Variants in DTD1 observed in about 807,000 individuals in gnomAD.
The protein encoded by DTD1 is D-tyrosyl-tRNA deacylase 1 homolog.
A neutral mutation model predicts 25.6 loss-of-function variants in DTD1; 13 were observed. The ratio of observed to expected loss-of-function variants is 0.51; its 90% CI spans 0.33 to 0.81. The LOEUF is 0.81. Among genes scored for constraint, DTD1 ranks in the 30% least tolerant of loss-of-function variants. The pLI is 0.02. For missense variants in DTD1, 193 were observed against 266.4 expected (o/e 0.72, Z 1.92); for synonymous variants, 110 against 103.6 (o/e 1.06, Z -0.37).
chr20:18,589,115 C>T (rs1471042217), intron 1 of DTD1, among the ~76,000 whole-genome samples: 1 of 152,146 alleles, frequency 6.6e-6, no homozygotes, highest in African/African-American at 2.4e-5. Context: ...CTTTGGGAGG[C>T]CAAGGCGGGC....
chr20:18,595,813 T>A (rs1377904899), intron 2 of DTD1, among the ~76,000 whole-genome samples, 193 bp from the exon 3 acceptor site: 1 of 152,162 alleles, frequency 6.6e-6, no homozygotes, highest in Non-Finnish European at 1.5e-5. Flanking sequence ...GAACTGTTAT[T>A]ATTCTGTATC....
intron 1 of DTD1, among the ~76,000 whole-genome samples, chr20:18,589,781 A>T (rs1366090787): frequency 6.6e-6 from 1 of 152,192 alleles, no homozygotes; most frequent in East Asian, 1.9e-4. Context: ...AGATGTGCTG[A>T]ATAAGAGTTT....
intron 4 of DTD1, among the ~76,000 whole-genome samples, chr20:18,689,332 G>A (rs377052288): frequency 5.3e-5 from 8 of 152,158 alleles, no homozygotes; most frequent in Admixed American, 3.3e-4. Context: ...GGTATATGGA[G>A]TTTGGTGATT....
At chr20:18,606,976 G>A (rs916546526) in intron 3 of DTD1, among the ~76,000 whole-genome samples, 1 of 151,838 alleles carries the variant, frequency 6.6e-6, no homozygotes, top group African/African-American at 2.4e-5. Flanking sequence ...TATCATGACT[G>A]GATATTAAAG....
chr20:18,711,147 G>A (rs576253243), intron 4 of DTD1, among the ~76,000 whole-genome samples: 1 of 152,306 alleles, frequency 6.6e-6, no homozygotes, highest in Admixed American at 6.5e-5. Flanking sequence ...TCTCAGCCCT[G>A]TGTGAGCGCA....
intron 4 of DTD1, among the ~76,000 whole-genome samples, chr20:18,677,241 T>G (rs1361087569): frequency 6.6e-6 from 1 of 152,200 alleles, no homozygotes; most frequent in Admixed American, 6.5e-5. Flanking sequence ...AAAGAAAACA[T>G]GCACAAGTTT....
intron 4 of DTD1, among the ~76,000 whole-genome samples, chr20:18,648,130 C>G (rs529774693): frequency 6.6e-6 from 1 of 152,260 alleles, no homozygotes; most frequent in East Asian, 1.9e-4. Flanking sequence ...GATAAAGGAC[C>G]AGGTCACGGG....
Position 18,640,629 on chromosome 20 carries a change from A to ATT in DTD1, c.477+12414_477+12415dup, listed in dbSNP as rs61085364. Among the ~76,000 whole-genome samples, 959 of 140,304 alleles carry ATT rather than the reference A, an allele frequency of 6.8e-3. 4 individuals carry two copies. Among genetic ancestry groups the ATT allele is most frequent in the Non-Finnish European group, 0.01 (653 of 64,852 alleles). 92.0% of individuals were successfully genotyped at this position (140,304 alleles called of 152,430 possible). ...TTTATTATCACCATCTATCTGCAGA[A>ATT]TTTTTTTTTTTTTTTTTTTAAGACG... is the stretch of plus-strand genomic sequence containing the variant. On this transcript the variant is annotated intron_variant, in intron 4 of 5. Transcript: ENST00000377452.
chr20:18,599,807 A>G (rs188603340), intron 3 of DTD1, among the ~76,000 whole-genome samples: 1 of 152,322 alleles, frequency 6.6e-6, no homozygotes, highest in Admixed American at 6.5e-5. Flanking sequence ...TACTATCTGT[A>G]TATCATCTTT....
Position 18,713,651 on chromosome 20 carries a change from G to A in DTD1, c.478-30449G>A, listed in dbSNP as rs186685668. Among the ~76,000 whole-genome samples the A allele has an allele frequency of 3.8e-3, 578 of 152,272 alleles. 3 individuals carry two copies. The highest frequency in any genetic ancestry group is 0.013 in the African/African-American group (560 of 41,536). On this transcript the variant is annotated intron_variant, in intron 4 of 5. Coordinates refer to ENST00000377452, the MANE Select transcript of DTD1 (RefSeq NM_080820.6). ...TTCCTCCTTTGTCAAGCCTTAGGCTGTTTTTTTCTGCATTGGTCTTCCCTG... is the reference window on the plus strand; with the variant it reads ...TTCCTCCTTTGTCAAGCCTTAGGCTATTTTTTTCTGCATTGGTCTTCCCTG...
At chr20:18,732,473 G>A (rs1314069521) in intron 4 of DTD1, among the ~76,000 whole-genome samples, 4 of 152,212 alleles carry the variant, frequency 2.6e-5, no homozygotes, top group Admixed American at 2.0e-4. Context: ...AATGGTAAGG[G>A]TACACACACC....
chr20:18,695,021 C>A (rs773563094), intron 4 of DTD1, among the ~76,000 whole-genome samples: 1 of 152,072 alleles, frequency 6.6e-6, no homozygotes, highest in Non-Finnish European at 1.5e-5. Flanking sequence ...AGGTCATGAC[C>A]AGCATGAAAA....
At chr20:18,729,306 A>G (rs1167828458) in intron 4 of DTD1, among the ~76,000 whole-genome samples, 3 of 152,206 alleles carry the variant, frequency 2.0e-5, no homozygotes, top group Non-Finnish European at 4.4e-5. Flanking sequence ...AGAGTTCATG[A>G]CAGTTTTGTC....
intron 4 of DTD1, among the ~76,000 whole-genome samples, chr20:18,648,435 G>C (rs941311468): frequency 3.3e-5 from 5 of 152,336 alleles, no homozygotes; most frequent in South Asian, 2.1e-4. Context: ...CGAGGGACCA[G>C]GATGACAAGA....
At chr20:18,652,544 G>T (rs1368368505) in intron 4 of DTD1, among the ~76,000 whole-genome samples, 1 of 152,186 alleles carries the variant, frequency 6.6e-6, no homozygotes, top group East Asian at 1.9e-4. Flanking sequence ...CCCTTTCAGG[G>T]ATACACGGGT....
chr20:18,707,259 G>A lies in DTD1; in HGVS notation c.478-36841G>A, dbSNP rs193231574. 5.3e-5 allele frequency among the ~76,000 whole-genome samples: 8 copies of A among 152,346 alleles called. No homozygotes were observed. In the East Asian group the frequency reaches 1.5e-3, roughly 29 times the overall value. ...TAAAGCACATGATCATCAATTCTGGGAAATGCAGAGACCTGTTTCATCTCA... is the reference window on the plus strand; with the variant it reads ...TAAAGCACATGATCATCAATTCTGGAAAATGCAGAGACCTGTTTCATCTCA... On this transcript the variant is annotated intron_variant, in intron 4 of 5. Coordinates refer to ENST00000377452, the MANE Select transcript of DTD1 (RefSeq NM_080820.6).
rs535316417 is a variant in DTD1 at position 18,634,551 on chromosome 20, A to G, written c.477+6318A>G. On this transcript the variant is annotated intron_variant, in intron 4 of 5. Transcript: ENST00000377452. ...TGGCTAGCGAAACACGGTGCCTTCA[A>G]TTTTACGGAGCTATTAATTTTACGC... 8.5e-5 allele frequency among the ~76,000 whole-genome samples: 13 copies of G among 152,266 alleles called. No homozygotes were observed. In the South Asian group the frequency reaches 2.5e-3, roughly 29 times the overall value.
At chr20:18,632,326 T>G in intron 4 of DTD1, 1 of 985,462 alleles carries the variant, frequency 1.0e-6, no homozygotes, top group Non-Finnish European at 1.2e-6. Context: ...ATGGACCAGT[T>G]TCCTGGCCCC....
chr20:18,736,065 T>A, intron 4 of DTD1, among the ~76,000 whole-genome samples: 1 of 152,196 alleles, frequency 6.6e-6, no homozygotes, highest in Non-Finnish European at 1.5e-5. Context: ...TCTAGAGTAA[T>A]CCTTCCTTTC....
Sources: gnomAD v4.1 joint callset for allele counts (sites outside exome capture counted in the v4.1 genomes callset) on GRCh38, gnomAD v4.1.1 for gene constraint, MANE v1.5 for transcripts, NCBI Gene and HGNC (gene_info 2026-07-23, HGNC 2026-07-21) for gene names.